The following GALM variants were observed in gnomAD, a reference collection of about 807,000 sequenced individuals.
The protein encoded by GALM is aldose 1-epimerase.
A neutral mutation model predicts 37.4 loss-of-function variants in GALM; 43 were observed. That is an observed-to-expected ratio of 1.15 (90% confidence interval 0.90 to 1.48). GALM has a LOEUF of 1.48. Among genes scored for constraint, GALM ranks in the 40% most tolerant of loss-of-function variants. The probability of loss-of-function intolerance (pLI) is 0.00; values close to 1 mark genes in which losing one functional copy is unlikely to be tolerated. For synonymous variants in GALM, 199 were observed against 170.6 expected, an observed-to-expected ratio of 1.17 and a Z score of -1.30; for missense variants, 456 against 419.1, an observed-to-expected ratio of 1.09 and a Z score of -0.77.
rs186726980 is a variant in GALM, at chr2:38,727,079, G to A, written c.635-2477G>A. On this transcript the variant is annotated intron_variant, in intron 4 of 6. Transcript: ENST00000272252. ...AAAAATACAAAAATTGGCTGGGCATGGTGGTGTGCCCCTGTAATCCCATCT... is the reference window on the plus strand; with the variant it reads ...AAAAATACAAAAATTGGCTGGGCATAGTGGTGTGCCCCTGTAATCCCATCT... 2.0e-3 allele frequency among the ~76,000 whole-genome samples: 301 copies of A among 152,090 alleles called. 1 individual carries two copies. The highest frequency in any genetic ancestry group is 3.1e-3 in the Non-Finnish European group (212 of 68,008).
intron 4 of GALM, among the ~76,000 whole-genome samples, chr2:38,696,821 G>C (rs1412635432): frequency 9.5e-6 from 1 of 105,266 alleles, no homozygotes; most frequent in Non-Finnish European, 1.7e-5. Flanking sequence ...ACAGAGTCTT[G>C]CTCTGTCAAC....
intron 3 of GALM, among the ~76,000 whole-genome samples, chr2:38,685,308 A>T (rs1426664297): frequency 6.6e-6 from 1 of 152,186 alleles, no homozygotes; most frequent in Non-Finnish European, 1.5e-5. Flanking sequence ...GCATAGGATA[A>T]ATCAACAAGC....
Position 38,681,436 on chromosome 2 carries a change from G to T in GALM, c.502G>T (p.Ala168Ser). The T allele has an allele frequency of 6.2e-7, 1 of 1,614,176 alleles. No individual in the cohort carries two copies. Among genetic ancestry groups the T allele is most frequent in the Non-Finnish European group, 8.5e-7 (1 of 1,180,034 alleles). ...IVNYRAQASQ[A>S]TPVNLTNHSY... ...CAACTACAGAGCACAAGCCAGTCAGGCCACACCAGTCAACCTGACCAACCA... is the reference window on the plus strand; with the variant it reads ...CAACTACAGAGCACAAGCCAGTCAGTCCACACCAGTCAACCTGACCAACCA... The change falls in exon 3 of 7, where the codon GCC (alanine) becomes TCC (serine). Residue 168 changes from alanine (A) to serine (S), a missense_variant. By Grantham distance (99) the Ala-to-Ser change is moderately conservative. Transcript: ENST00000272252.
At chr2:38,690,022 A>G (rs920093909) in intron 4 of GALM, 128 bp downstream of exon 4, 7 of 588,978 alleles carry the variant, frequency 1.2e-5, no homozygotes, top group Non-Finnish European at 1.5e-5. Flanking sequence ...GAATTATTCT[A>G]GTGGTAATTT....
chr2:38,696,416 G>A (rs1665805416), intron 4 of GALM, among the ~76,000 whole-genome samples: 1 of 150,602 alleles, frequency 6.6e-6, no homozygotes, highest in African/African-American at 2.4e-5. Flanking sequence ...ACTGTGTCCA[G>A]CTTTTCTTTT....
At chr2:38,731,143 C>T (rs1666600050) in intron 5 of GALM, among the ~76,000 whole-genome samples, 1 of 152,078 alleles carries the variant, frequency 6.6e-6, no homozygotes. Context: ...AGGAGAATTG[C>T]TTTAACCAAG....
At chr2:38,687,154 T>C (rs1452427103) in intron 3 of GALM, among the ~76,000 whole-genome samples, 1 of 152,074 alleles carries the variant, frequency 6.6e-6, no homozygotes, top group Non-Finnish European at 1.5e-5. Flanking sequence ...TCTCCCACAG[T>C]CCCAGGGGCA....
At chr2:38,692,542 T>C (rs10203706) in intron 4 of GALM, among the ~76,000 whole-genome samples, 32,460 of 152,092 alleles carry the variant, frequency 0.21, 3,629 homozygotes, top group East Asian at 0.34. Flanking sequence ...TGAGCCACCA[T>C]GCTGGTCCTC....
At chr2:38,675,526 GTT>G (rs869119386) in intron 1 of GALM, among the ~76,000 whole-genome samples, 2,197 of 74,032 alleles carry the variant, frequency 0.03, 50 homozygotes, top group African/African-American at 0.068. Context: ...GGGTTTTTTT[GTT>G]TTTTTTTTTT....
Position 38,731,888 on chromosome 2 carries a change from C to T in GALM, c.930C>T (p.Asn310=). The change falls in exon 6 of 7, where the codon AAC becomes AAT. Residue 310 remains asparagine, a synonymous_variant. Coordinates refer to ENST00000272252, the MANE Select transcript of GALM (RefSeq NM_138801.3). ...KHSGFCLETQ[N]WPDAVNQPRF... Reference sequence around the variant, plus strand: ...CCGGTTTCTGCCTGGAGACTCAGAACTGGCCTGATGCAGTCAATCAGGTAA... The same window carrying T: ...CCGGTTTCTGCCTGGAGACTCAGAATTGGCCTGATGCAGTCAATCAGGTAA... 6.2e-7 allele frequency: 1 copy of T among 1,614,190 alleles called. No homozygotes were observed. Among genetic ancestry groups the T allele is most frequent in the Non-Finnish European group, 8.5e-7 (1 of 1,180,018 alleles).
intron 5 of GALM, 140 bp downstream of exon 5, chr2:38,729,837 A>C: frequency 3.0e-6 from 2 of 676,236 alleles, no homozygotes; most frequent in Non-Finnish European, 2.5e-6. Flanking sequence ...TATTTTCTCA[A>C]AGCTCCCATG....
chr2:38,708,012 C>T (rs1666075217), intron 4 of GALM, among the ~76,000 whole-genome samples: 1 of 152,004 alleles, frequency 6.6e-6, no homozygotes, highest in South Asian at 2.1e-4. Flanking sequence ...TAGGCTAAGG[C>T]AGGAGAATCA....
At chr2:38,715,342 T>C (rs1047262015) in intron 4 of GALM, among the ~76,000 whole-genome samples, 12 of 152,360 alleles carry the variant, frequency 7.9e-5, no homozygotes, top group Admixed American at 1.3e-4. Flanking sequence ...AGTGCTTCAG[T>C]TGAGGAAGCT....
chr2:38,671,247 T>C (rs1281066999), intron 1 of GALM: 1 of 152,224 alleles, frequency 6.6e-6, no homozygotes, highest in African/African-American at 2.4e-5. Context: ...ATTGTCACTT[T>C]TGTAATTCCG....
chr2:38,726,229 T>A (rs12712616), intron 4 of GALM, among the ~76,000 whole-genome samples: 10 of 24,090 alleles, frequency 4.2e-4, no homozygotes, highest in East Asian at 3.0e-3. Context: ...TTTTTTTTTT[T>A]ATTTTTTTTT....
chr2:38,727,736 A>G (rs1037520892), intron 4 of GALM, among the ~76,000 whole-genome samples: 19 of 152,146 alleles, frequency 1.2e-4, no homozygotes, highest in Non-Finnish European at 2.8e-4. Flanking sequence ...AAAAAAAAAA[A>G]AAAAGAAAAA....
chr2:38,697,682 G>A (rs1160271552), intron 4 of GALM, among the ~76,000 whole-genome samples: 1 of 152,174 alleles, frequency 6.6e-6, no homozygotes, highest in Non-Finnish European at 1.5e-5. Context: ...CCTTCCCCCT[G>A]TAGGTGTTTG....
At chr2:38,724,312 C>T (rs996236240) in intron 4 of GALM, among the ~76,000 whole-genome samples, 3 of 152,014 alleles carry the variant, frequency 2.0e-5, no homozygotes, top group Non-Finnish European at 2.9e-5. Context: ...ATATGATGAA[C>T]GTTTTGAGAA....
intron 4 of GALM, among the ~76,000 whole-genome samples, chr2:38,712,838 G>T (rs901956438): frequency 6.6e-6 from 1 of 152,170 alleles, no homozygotes; most frequent in South Asian, 2.1e-4. Flanking sequence ...GTGCAAGCAG[G>T]GGGTGCCCTG....
Sources: allele counts gnomAD v4.1 joint callset (sites outside exome capture counted in the v4.1 genomes callset), GRCh38; gene constraint gnomAD v4.1.1; transcripts MANE v1.5; gene names NCBI Gene and HGNC (gene_info 2026-07-23, HGNC 2026-07-21).